CCSER1: variants seen among roughly 807,000 people sequenced by gnomAD.
CCSER1 encodes coiled-coil serine rich protein 1.
In CCSER1, 41 loss-of-function variants were observed where a neutral mutation model predicts 82.0. The ratio of observed to expected loss-of-function variants is 0.50; its 90% CI spans 0.39 to 0.65. The LOEUF (loss-of-function observed/expected upper bound fraction) is 0.65. Among genes scored for constraint, CCSER1 ranks in the 30% least tolerant of loss-of-function variants. The pLI is 0.00. For missense variants in CCSER1, 1,119 were observed against 1,064.2 expected, an observed-to-expected ratio of 1.05 and a Z score of -0.72; for synonymous variants, 414 against 383.9, an observed-to-expected ratio of 1.08 and a Z score of -0.92.
At chr4:91,096,350 G>A (rs536377184) in intron 10 of CCSER1, among the ~76,000 whole-genome samples, 37 of 152,172 alleles carry the variant, frequency 2.4e-4, no homozygotes, top group Non-Finnish European at 4.9e-4. Context: ...CTCCTGCCAT[G>A]AGTCTTCAGG....
intron 9 of CCSER1, among the ~76,000 whole-genome samples, chr4:91,034,506 C>T (rs1741262783): frequency 6.6e-6 from 1 of 151,492 alleles, no homozygotes; most frequent in Non-Finnish European, 1.5e-5. Flanking sequence ...CTTTACACAT[C>T]CTTAATTATA....
intron 10 of CCSER1, among the ~76,000 whole-genome samples, chr4:91,128,783 TAC>T (rs766549480): frequency 6.6e-6 from 1 of 152,054 alleles, no homozygotes; most frequent in African/African-American, 2.4e-5. Flanking sequence ...CACGTGAAAA[TAC>T]AGTTAGACTA....
intron 4 of CCSER1, among the ~76,000 whole-genome samples, chr4:90,464,911 G>A (rs1177277198): frequency 6.6e-6 from 1 of 152,154 alleles, no homozygotes; most frequent in Non-Finnish European, 1.5e-5. Context: ...TAAAATTTGA[G>A]TGTTTCTGTT....
rs1170927227 is a variant in CCSER1 at position 91,595,943 on chromosome 4, TAAAAAAAAAAAA to T, written c.2218-2616_2218-2605del. On this transcript the variant is annotated intron_variant, in intron 10 of 10. Transcript: ENST00000509176. ...ATAATAGTAAATATCACAGAGAACT[TAAAAAAAAAAAA>T]AAAAAAAAAAAACCAAGGGCAAAAA... Among the ~76,000 whole-genome samples the T allele has an allele frequency of 3.8e-5, 3 of 78,868 alleles. No individual in the cohort carries two copies. In the South Asian group the frequency reaches 1.6e-3, roughly 43 times the overall value. The allele number at this position is 78,868 out of a possible 152,430, so 51.7% of individuals were successfully genotyped here.
At chr4:91,081,940 C>G (rs1169084807) in intron 9 of CCSER1, among the ~76,000 whole-genome samples, 1 of 152,154 alleles carries the variant, frequency 6.6e-6, no homozygotes, top group African/African-American at 2.4e-5. Flanking sequence ...AAGAACATTC[C>G]ATGCTCATGG....
At chr4:91,218,047 C>T (rs1039643149) in intron 10 of CCSER1, among the ~76,000 whole-genome samples, 5 of 152,190 alleles carry the variant, frequency 3.3e-5, no homozygotes, top group Non-Finnish European at 7.4e-5. Context: ...AGGCTCCGGC[C>T]GCACAGGAGC....
intron 10 of CCSER1, among the ~76,000 whole-genome samples, chr4:91,420,805 G>C (rs1014834584): frequency 6.6e-6 from 1 of 152,116 alleles, no homozygotes. Flanking sequence ...GCTGACAGAT[G>C]AATGGATAGA....
Position 91,066,891 on chromosome 4 carries a change from C to T in CCSER1, c.2173-19059C>T, listed in dbSNP as rs918930453. Among the ~76,000 whole-genome samples the T allele has an allele frequency of 3.2e-4, 48 of 150,938 alleles. 1 individual carries two copies. The highest frequency in any genetic ancestry group is 3.0e-3 in the South Asian group (14 of 4,736). On this transcript the variant is annotated intron_variant, in intron 9 of 10. Transcript: ENST00000509176. ...ATAGAATAGGCCCTGTCCCGCTGGG[C>T]GTGGTGGCTCACACCTGTAATCCCA...
chr4:91,560,129 A>G (rs79961068), intron 10 of CCSER1, among the ~76,000 whole-genome samples: 5,196 of 151,440 alleles, frequency 0.034, 290 homozygotes, highest in African/African-American at 0.12. Context: ...ATGTTGCTTT[A>G]TTGAAAAAAA....
chr4:90,423,231 T>C (rs1026073714), intron 4 of CCSER1, among the ~76,000 whole-genome samples: 1 of 152,084 alleles, frequency 6.6e-6, no homozygotes, highest in Non-Finnish European at 1.5e-5. Flanking sequence ...TATTTATTTA[T>C]ATTTATTTAT....
At chr4:91,342,110 A>C (rs1370292333) in intron 10 of CCSER1, among the ~76,000 whole-genome samples, 1 of 152,184 alleles carries the variant, frequency 6.6e-6, no homozygotes, top group Non-Finnish European at 1.5e-5. Flanking sequence ...AAAAAATAGG[A>C]AACTTCACTA....
At chr4:90,365,001 T>G (rs567845309) in intron 3 of CCSER1, among the ~76,000 whole-genome samples, 1 of 152,004 alleles carries the variant, frequency 6.6e-6, no homozygotes, top group Non-Finnish European at 1.5e-5. Flanking sequence ...GTATGGAACT[T>G]TGAAGGCCTA....
chr4:90,869,713 T>C (rs578218765), intron 8 of CCSER1, among the ~76,000 whole-genome samples: 1 of 123,650 alleles, frequency 8.1e-6, no homozygotes, highest in Non-Finnish European at 1.7e-5. Context: ...ATCTAAATTT[T>C]AGGATTTTTT....
chr4:90,573,703 CT>C (rs1333543304), intron 5 of CCSER1, among the ~76,000 whole-genome samples: 3 of 152,090 alleles, frequency 2.0e-5, no homozygotes, highest in Non-Finnish European at 4.4e-5. Flanking sequence ...TACTTCACCC[CT>C]CCCCCTCATA....
At chr4:90,169,827 G>A (rs1156333340) in intron 1 of CCSER1, among the ~76,000 whole-genome samples, 1 of 151,594 alleles carries the variant, frequency 6.6e-6, no homozygotes, top group Non-Finnish European at 1.5e-5. Context: ...GGTTACACAT[G>A]TACTTATCTA....
intron 9 of CCSER1, among the ~76,000 whole-genome samples, chr4:91,037,283 T>C (rs1581395026): frequency 1.4e-5 from 2 of 144,722 alleles, no homozygotes; most frequent in South Asian, 4.4e-4. Flanking sequence ...CACACACACA[T>C]AGATGCTCCT....
chr4:91,543,709 C>T (rs1460681479), intron 10 of CCSER1, among the ~76,000 whole-genome samples: 1 of 152,156 alleles, frequency 6.6e-6, no homozygotes, highest in East Asian at 1.9e-4. Context: ...GGTAACCCGA[C>T]CTGTCTCTCT....
At chr4:90,785,005 CAG>C (rs1381712527) in intron 7 of CCSER1, among the ~76,000 whole-genome samples, 2 of 152,050 alleles carry the variant, frequency 1.3e-5, no homozygotes, top group African/African-American at 2.4e-5. Context: ...CTTGCTTTCT[CAG>C]GGGTGGAAGA....
intron 4 of CCSER1, among the ~76,000 whole-genome samples, chr4:90,422,995 C>T (rs1026378676): frequency 6.6e-6 from 1 of 152,076 alleles, no homozygotes; most frequent in Non-Finnish European, 1.5e-5. Context: ...TTTGTTTTCT[C>T]CTTGTGAGAT....
Sources: allele counts gnomAD v4.1 joint callset (sites outside exome capture counted in the v4.1 genomes callset), GRCh38; gene constraint gnomAD v4.1.1; transcripts MANE v1.5; gene names NCBI Gene and HGNC (gene_info 2026-07-23, HGNC 2026-07-21).